Variants in PLOD1 observed in about 807,000 individuals in gnomAD.
PLOD1 encodes lysine hydroxylase.
Under a neutral mutation model 94.7 loss-of-function variants are expected in PLOD1, and 70 were observed. The observed-to-expected ratio is 0.74, with a 90% CI of 0.61 to 0.90. The LOEUF (loss-of-function observed/expected upper bound fraction) is 0.90. Ranked by LOEUF, PLOD1 falls within the 40% of genes least tolerant of loss-of-function variation. The pLI, the probability that PLOD1 is intolerant of heterozygous loss-of-function variation, is 0.00. For missense variants in PLOD1, 905 were observed against 972.7 expected, an observed-to-expected ratio of 0.93 and a Z score of 0.93; for synonymous variants, 417 against 400.2, an observed-to-expected ratio of 1.04 and a Z score of -0.50.
chr1:11,948,155 T>A, intron 2 of PLOD1, 88 bp downstream of exon 2: 1 of 923,410 alleles, frequency 1.1e-6, no homozygotes, highest in Non-Finnish European at 1.8e-6. Context: ...CCACGTCTCT[T>A]AAGATAGACT....
At chr1:11,952,922 C>T (rs577223206) in intron 5 of PLOD1, among the ~76,000 whole-genome samples, 187 bp downstream of exon 5, 30 of 152,166 alleles carry the variant, frequency 2.0e-4, no homozygotes, top group Middle Eastern at 3.4e-3. Flanking sequence ...TTCTGGAGGC[C>T]GGAAGGGTGA....
At position 11,960,639 on chromosome 1, in the gene PLOD1, AC is replaced by A; in HGVS notation, c.976-3del. Reference sequence around the variant, plus strand: ...CCCCGCATCCCCTTCCCCATCCCCAACCCCAGGAGCAGCACCACAAGGCTCA... The same window carrying A: ...CCCCGCATCCCCTTCCCCATCCCCAACCCAGGAGCAGCACCACAAGGCTCA... On this transcript the variant is annotated splice_region_variant and splice_polypyrimidine_tract_variant and intron_variant, in intron 9 of 18. Coordinates refer to ENST00000196061, the MANE Select transcript of PLOD1 (RefSeq NM_000302.4). 6.2e-7 allele frequency: 1 copy of A among 1,609,374 alleles called. No individual in the cohort carries two copies.
At chr1:11,945,094 C>A (rs757283664) in intron 1 of PLOD1, among the ~76,000 whole-genome samples, 1 of 152,172 alleles carries the variant, frequency 6.6e-6, no homozygotes. Context: ...ACGTCATTGT[C>A]ACTGGCCCTG....
intron 3 of PLOD1, 68 bp downstream of exon 3, chr1:11,949,974 C>T (rs1645687904): frequency 8.5e-6 from 13 of 1,528,852 alleles, no homozygotes; most frequent in Non-Finnish European, 1.2e-5. Context: ...TAAAATGAGG[C>T]CCTCCCAGAA....
In PLOD1 at chr1:11,952,690, C is replaced by A. The variant is rs113384442; in HGVS notation, c.534C>A (p.Ser178Arg). The A allele has an allele frequency of 2.5e-5, 40 of 1,613,960 alleles. No individual in the cohort carries two copies. The highest frequency in any genetic ancestry group is 1.6e-4 in the Middle Eastern group (1 of 6,062). The change falls in exon 5 of 19, where the codon AGC becomes AGA. Residue 178 changes from serine (S) to arginine (R), a missense_variant. Physicochemically the swap from Ser to Arg is moderately radical, Grantham distance 110. Transcript: ENST00000196061. ...AGTGGGAGGGCCAGGACAGCGACAGCGATCAGCTGTTTTACACCAAGATCT... is the reference window on the plus strand; with the variant it reads ...AGTGGGAGGGCCAGGACAGCGACAGAGATCAGCTGTTTTACACCAAGATCT... Reference protein sequence around the residue: ...VAEWEGQDSDSDQLFYTKIFL... With the variant: ...VAEWEGQDSDRDQLFYTKIFL...
At chr1:11,965,691 C>A in intron 14 of PLOD1, 98 bp downstream of exon 14, 1 of 744,786 alleles carries the variant, frequency 1.3e-6, no homozygotes, top group Non-Finnish European at 2.4e-6. Flanking sequence ...ACAGCCAGGA[C>A]CCCTGTAGGC....
chr1:11,965,454 T>C (rs571882791), intron 13 of PLOD1, 26 bp from the exon 14 acceptor site: 2 of 1,409,904 alleles, frequency 1.4e-6, no homozygotes, highest in African/African-American at 2.8e-5. Flanking sequence ...GGGGAGCGCC[T>C]CTTCCACCGG....
Position 11,970,555 on chromosome 1 carries a change from C to G in PLOD1, c.1756-115C>G. ...CTTAATTGTATCTGCAAAGCCTGTTCAGTTTTGTCATGTAATGTGGTCCGG... is the reference window on the plus strand; with the variant it reads ...CTTAATTGTATCTGCAAAGCCTGTTGAGTTTTGTCATGTAATGTGGTCCGG... On this transcript the variant is annotated intron_variant, in intron 16 of 18. Coordinates refer to ENST00000196061, the MANE Select transcript of PLOD1 (RefSeq NM_000302.4). 3 of 939,348 alleles carry G rather than the reference C, an allele frequency of 3.2e-6. No homozygotes were observed. The East Asian group carries it at 7.7e-5, about 24-fold the overall frequency. 58.2% of individuals were successfully genotyped at this position (939,348 alleles called of 1,614,324 possible).
chr1:11,944,453 A>ACACACT, intron 1 of PLOD1: 3 of 977,920 alleles, frequency 3.1e-6, no homozygotes, highest in South Asian at 2.7e-5. Context: ...ACACACACAC[A>ACACACT]CTCACTCACA....
chr1:11,953,276 G>A (rs1047381151), intron 5 of PLOD1, among the ~76,000 whole-genome samples: 23 of 151,548 alleles, frequency 1.5e-4, no homozygotes, highest in Admixed American at 5.3e-4. Flanking sequence ...GGCTGGTCTC[G>A]AACTCCTGTC....
intron 1 of PLOD1, among the ~76,000 whole-genome samples, chr1:11,935,671 C>A (rs1177062992): frequency 1.6e-4 from 24 of 150,262 alleles, no homozygotes; most frequent in Non-Finnish European, 1.5e-5. Flanking sequence ...GTCGCCCAGG[C>A]TGGAATGCAG....
chr1:11,960,607 T>C lies in PLOD1; in HGVS notation c.976-39T>C, dbSNP rs748374204. The C allele has an allele frequency of 3.5e-6, 5 of 1,415,882 alleles. No individual in the cohort carries two copies. The South Asian group carries it at 5.7e-5, about 16-fold the overall frequency. The allele number at this position is 1,415,882 out of a possible 1,614,324, so 87.7% of individuals were successfully genotyped here. On this transcript the variant is annotated intron_variant, in intron 9 of 18. Coordinates refer to ENST00000196061, the MANE Select transcript of PLOD1 (RefSeq NM_000302.4). ...TCCCTGGGTGGAAGCTGTGTCCTCC[T>C]CCTCACCCCCGCATCCCCTTCCCCA...
chr1:11,945,497 T>A (rs976755327), intron 1 of PLOD1, among the ~76,000 whole-genome samples: 3 of 150,182 alleles, frequency 2.0e-5, no homozygotes, highest in African/African-American at 7.4e-5. Context: ...GCATGGGAGG[T>A]CCCTTGCATG....
At chr1:11,960,055 C>T (rs1172529385) in intron 9 of PLOD1, among the ~76,000 whole-genome samples, 4 of 151,584 alleles carry the variant, frequency 2.6e-5, no homozygotes, top group African/African-American at 4.9e-5. Context: ...CTGCAACCTC[C>T]GCCTCCCGGG....
chr1:11,953,845 A>G (rs529653994), intron 5 of PLOD1, among the ~76,000 whole-genome samples: 1 of 151,930 alleles, frequency 6.6e-6, no homozygotes, highest in Non-Finnish European at 1.5e-5. Context: ...TGTCAGGATT[A>G]AATTGATTAA....
chr1:11,959,762 C>A (rs1367667506), intron 9 of PLOD1, among the ~76,000 whole-genome samples: 1 of 150,616 alleles, frequency 6.6e-6, no homozygotes, highest in Non-Finnish European at 1.5e-5. Context: ...GGATTACAGG[C>A]GCCTGCCACC....
chr1:11,947,012 T>A (rs1427018778), intron 1 of PLOD1, among the ~76,000 whole-genome samples: 5 of 152,280 alleles, frequency 3.3e-5, no homozygotes, highest in South Asian at 2.1e-4. Context: ...CTCATGCCTG[T>A]AATCCTGGCA....
At chr1:11,947,247 AAAC>A (rs1645662431) in intron 1 of PLOD1, among the ~76,000 whole-genome samples, 4 of 150,090 alleles carry the variant, frequency 2.7e-5, no homozygotes, top group South Asian at 4.2e-4. Context: ...AAAAAAAAAA[AAAC>A]AAAAACAAAC....
intron 5 of PLOD1, chr1:11,954,431 A>C (rs181943250): frequency 9.0e-6 from 4 of 442,174 alleles, no homozygotes; most frequent in African/African-American, 8.1e-5. Context: ...GGTTGCAGTG[A>C]GTCGAGGTCG....
Sources: allele counts gnomAD v4.1 joint callset (sites outside exome capture counted in the v4.1 genomes callset), GRCh38; gene constraint gnomAD v4.1.1; transcripts MANE v1.5; gene names NCBI Gene and HGNC (gene_info 2026-07-23, HGNC 2026-07-21).